Variants in INTS9 observed in about 807,000 individuals in gnomAD.
INTS9 encodes the protein integrator complex subunit 9.
A neutral mutation model predicts 79.7 loss-of-function variants in INTS9; 55 were observed. That is an observed-to-expected ratio of 0.69 (90% CI 0.56 to 0.86). The LOEUF is 0.86. INTS9 is among the 40% of genes least tolerant of loss of function. The pLI is 0.00. For synonymous variants in INTS9, 319 were observed against 325.2 expected, an observed-to-expected ratio of 0.98 and a Z score of 0.20; for missense variants, 721 against 831.5, an observed-to-expected ratio of 0.87 and a Z score of 1.64.
At chr8:28,816,853 G>A (rs1805515641) in intron 6 of INTS9, among the ~76,000 whole-genome samples, 6 of 152,112 alleles carry the variant, frequency 3.9e-5, no homozygotes, top group Admixed American at 3.9e-4. Flanking sequence ...ATTCTAACTG[G>A]TGTAAGGTGG....
In INTS9 at chr8:28,862,068, A is replaced by C. The variant is rs140566134; in HGVS notation, c.10-2505T>G. 22 of 985,440 alleles carry C rather than the reference A, an allele frequency of 2.2e-5. No homozygotes were observed. In the East Asian group the frequency reaches 2.4e-3, roughly 107 times the overall value. 61.0% of individuals were successfully genotyped at this position (985,440 alleles called of 1,614,324 possible). A position where few individuals can be genotyped will look rare whatever the true frequency, so the allele number is the denominator to read the frequency against. ...GGGTCAACTGAGTGCACGGGAGCAC[A>C]GAGTGGCTGCCTGAGGTTCACACAC... On this transcript the variant is annotated intron_variant, in intron 1 of 16. Transcript: ENST00000521022.
chr8:28,840,302 G>A (rs1319494564), intron 4 of INTS9, among the ~76,000 whole-genome samples: 1 of 150,492 alleles, frequency 6.6e-6, no homozygotes, highest in African/African-American at 2.4e-5. Context: ...ACGGGTGCTG[G>A]AGAGGATGTG....
chr8:28,845,332 A>G (rs1407126210), intron 4 of INTS9, among the ~76,000 whole-genome samples: 1 of 151,804 alleles, frequency 6.6e-6, no homozygotes, highest in Admixed American at 6.6e-5. Flanking sequence ...TGCTTCCATT[A>G]CTCTCCCATT....
intron 4 of INTS9, among the ~76,000 whole-genome samples, chr8:28,838,662 A>G (rs1475216050): frequency 6.6e-6 from 1 of 152,168 alleles, no homozygotes; most frequent in African/African-American, 2.4e-5. Flanking sequence ...CTGGGATTAC[A>G]GGTGTGCCCT....
intron 6 of INTS9, among the ~76,000 whole-genome samples, chr8:28,822,496 AAAAC>A (rs1344800970): frequency 6.6e-6 from 1 of 152,192 alleles, no homozygotes; most frequent in East Asian, 1.9e-4. Context: ...AAACTTTATA[AAAAC>A]AGTGGTGGGC....
At chr8:28,775,993 T>G (rs1051505820) in intron 13 of INTS9, 67 bp from the exon 14 acceptor site, 5 of 1,288,018 alleles carry the variant, frequency 3.9e-6, no homozygotes, top group Non-Finnish European at 5.2e-6. Flanking sequence ...GAAGGCCCAT[T>G]CCTGACCCCG....
At chr8:28,787,330 A>T (rs936040571) in intron 11 of INTS9, among the ~76,000 whole-genome samples, 5 of 152,240 alleles carry the variant, frequency 3.3e-5, no homozygotes, top group Non-Finnish European at 7.3e-5. Context: ...GAACACTCTG[A>T]CAATACATAA....
intron 12 of INTS9, among the ~76,000 whole-genome samples, chr8:28,779,323 G>C (rs1037697071): frequency 6.6e-6 from 1 of 152,152 alleles, no homozygotes; most frequent in Non-Finnish European, 1.5e-5. Flanking sequence ...TGGTGACCGG[G>C]GCCTCTCCTG....
chr8:28,794,676 A>C (rs1804100673), intron 9 of INTS9, among the ~76,000 whole-genome samples: 1 of 152,266 alleles, frequency 6.6e-6, no homozygotes, highest in Admixed American at 6.5e-5. Flanking sequence ...CATGAAAAGA[A>C]TGAATTAGAT....
chr8:28,835,446 G>GCTGTTTT, intron 5 of INTS9, 68 bp from the exon 6 acceptor site: 1 of 1,145,714 alleles, frequency 8.7e-7, no homozygotes, highest in Non-Finnish European at 1.3e-6. Flanking sequence ...TACTCTAACA[G>GCTGTTTT]TTGGCCAGGA....
At chr8:28,778,046 G>A in intron 12 of INTS9, 93 bp from the exon 13 acceptor site, 1 of 1,367,106 alleles carries the variant, frequency 7.3e-7, no homozygotes, top group East Asian at 2.6e-5. Flanking sequence ...CCCACAGACA[G>A]TCAGGGGGTC....
intron 6 of INTS9, among the ~76,000 whole-genome samples, chr8:28,832,673 A>G (rs1170341821): frequency 1.3e-5 from 2 of 152,158 alleles, no homozygotes; most frequent in Admixed American, 6.6e-5. Context: ...GTAAAAAAGT[A>G]ATAACACTGC....
At chr8:28,769,203 T>C (rs1335853406) in intron 16 of INTS9, among the ~76,000 whole-genome samples, 6 of 152,210 alleles carry the variant, frequency 3.9e-5, no homozygotes, top group Admixed American at 1.3e-4. Context: ...GATATTTACA[T>C]TGGATAGAAA....
intron 11 of INTS9, among the ~76,000 whole-genome samples, chr8:28,781,960 A>C (rs1269319703): frequency 6.6e-6 from 1 of 152,198 alleles, no homozygotes; most frequent in African/African-American, 2.4e-5. Context: ...ATGTGGGTTC[A>C]TCAGCCGTAG....
chr8:28,829,477 C>A (rs879820529), intron 6 of INTS9, among the ~76,000 whole-genome samples: 1 of 151,926 alleles, frequency 6.6e-6, no homozygotes, highest in African/African-American at 2.4e-5. Context: ...TTTTTTGGTA[C>A]GTGTACTAAT....
chr8:28,791,016 A>G (rs1367821214), intron 10 of INTS9, among the ~76,000 whole-genome samples: 2 of 152,184 alleles, frequency 1.3e-5, no homozygotes, highest in Non-Finnish European at 2.9e-5. Flanking sequence ...ACTACACTAG[A>G]AATTGTGGTG....
rs1286313023 is a variant in INTS9, at chr8:28,793,983, C to T, written c.861G>A (p.Leu287=). 1.3e-6 allele frequency: 2 copies of T among 1,573,152 alleles called. No homozygotes were observed. Among genetic ancestry groups the T allele is most frequent in the Admixed American group, 3.6e-5 (2 of 55,928 alleles). ...MVGEFCSNLA[L]TVRNGGNVLV... ...ACACGTTTCCTCCATTCCGGACTGT[C>T]AGAGCTAGAAAAGTGGATGCCAGAG... Residue 287 remains leucine (L), a synonymous_variant, in exon 10 of 17, where the codon CTG becomes CTA. Coordinates refer to ENST00000521022, the MANE Select transcript of INTS9 (RefSeq NM_018250.4).
At chr8:28,862,673 T>C (rs141438953) in intron 1 of INTS9, among the ~76,000 whole-genome samples, 23 of 152,354 alleles carry the variant, frequency 1.5e-4, no homozygotes, top group Non-Finnish European at 2.8e-4. Flanking sequence ...TCATTGGTAA[T>C]ATATCAGAAG....
chr8:28,787,992 T>A (rs1010087646), intron 10 of INTS9, 103 bp from the exon 11 acceptor site: 15 of 622,554 alleles, frequency 2.4e-5, no homozygotes, highest in South Asian at 3.2e-5. Context: ...GAAGTTTATT[T>A]AAAAATTTCC....
Sources: allele counts gnomAD v4.1 joint callset (sites outside exome capture counted in the v4.1 genomes callset), GRCh38; gene constraint gnomAD v4.1.1; transcripts MANE v1.5; gene names NCBI Gene and HGNC (gene_info 2026-07-23, HGNC 2026-07-21).